VPS8: variants seen among roughly 807,000 people sequenced by gnomAD.
The protein encoded by VPS8 is VPS8 subunit of CORVET complex.
Under a neutral mutation model 216.4 loss-of-function variants are expected in VPS8, and 129 were observed. That is an observed-to-expected ratio of 0.60 (90% CI 0.52 to 0.69). The LOEUF (loss-of-function observed/expected upper bound fraction) is 0.69. Among genes scored for constraint, VPS8 ranks in the 30% least tolerant of loss-of-function variants. The pLI is 0.00. For synonymous variants in VPS8, 571 were observed against 565.4 expected, an observed-to-expected ratio of 1.01 and a Z score of -0.14; for missense variants, 1,531 against 1,683.5, an observed-to-expected ratio of 0.91 and a Z score of 1.59.
chr3:184,955,653 A>T (rs891724820), intron 36 of VPS8, among the ~76,000 whole-genome samples: 1 of 152,090 alleles, frequency 6.6e-6, no homozygotes, highest in African/African-American at 2.4e-5. Context: ...CTCTGCACAC[A>T]GGGAGAACAC....
intron 46 of VPS8, among the ~76,000 whole-genome samples, chr3:185,045,668 G>A (rs1565941): frequency 0.48 from 72,582 of 151,294 alleles, 17,711 homozygotes; most frequent in East Asian, 0.67. Context: ...CTACTCAGCT[G>A]AGGTAGTAGA....
intron 3 of VPS8, among the ~76,000 whole-genome samples, chr3:184,827,893 C>T (rs1291621980): frequency 6.6e-6 from 1 of 152,084 alleles, no homozygotes; most frequent in African/African-American, 2.4e-5. Context: ...TTTACACCTC[C>T]AGGGAACCAG....
At chr3:185,002,402 AC>A (rs1753540157) in intron 45 of VPS8, among the ~76,000 whole-genome samples, 1 of 152,120 alleles carries the variant, frequency 6.6e-6, no homozygotes, top group Admixed American at 6.5e-5. Context: ...ATTTCTTCCT[AC>A]CTTCTCGAGC....
At chr3:184,847,150 G>C (rs1723285189) in intron 8 of VPS8, among the ~76,000 whole-genome samples, 1 of 152,078 alleles carries the variant, frequency 6.6e-6, no homozygotes, top group South Asian at 2.1e-4. Flanking sequence ...TGTTCACCTT[G>C]GAAGGCTAAA....
At chr3:185,046,287 T>A (rs1712883231) in intron 46 of VPS8, among the ~76,000 whole-genome samples, 2 of 152,260 alleles carry the variant, frequency 1.3e-5, no homozygotes, top group Non-Finnish European at 1.5e-5. Context: ...AGACGGAAAC[T>A]GTTACTTATC....
chr3:184,838,591 AT>A, intron 5 of VPS8, 122 bp from the exon 6 acceptor site: 1 of 751,166 alleles, frequency 1.3e-6, no homozygotes, highest in Non-Finnish European at 2.1e-6. Flanking sequence ...GGGGGCAAAA[AT>A]AAAGGTTCTA....
At chr3:184,859,189 T>C (rs971225784) in intron 14 of VPS8, among the ~76,000 whole-genome samples, 14 of 152,346 alleles carry the variant, frequency 9.2e-5, no homozygotes, top group Admixed American at 7.8e-4. Flanking sequence ...AATTGATGGG[T>C]ATGGTCTACA....
At chr3:185,010,784 T>C (rs1754905307) in intron 45 of VPS8, among the ~76,000 whole-genome samples, 1 of 152,118 alleles carries the variant, frequency 6.6e-6, no homozygotes, top group Non-Finnish European at 1.5e-5. Flanking sequence ...GGAGGATCAC[T>C]TGAGCCCAAA....
At chr3:184,936,751 T>G (rs1576902441) in intron 35 of VPS8, among the ~76,000 whole-genome samples, 1 of 151,964 alleles carries the variant, frequency 6.6e-6, no homozygotes, top group Non-Finnish European at 1.5e-5. Context: ...TCTTTTTTTT[T>G]TTTTGAGATG....
chr3:185,024,375 C>A lies in VPS8; in HGVS notation c.4042C>A (p.Pro1348Thr). 6.3e-7 allele frequency: 1 copy of A among 1,598,092 alleles called. No individual in the cohort carries two copies. Among genetic ancestry groups the A allele is most frequent in the South Asian group, 1.1e-5 (1 of 87,778 alleles). ...SPSYHQSKGD[P>T]TAKKGTSEPV... is the part of the protein sequence containing the mutation. Reference sequence around the variant, plus strand: ...ATCGTATCATCAGTCCAAAGGGGATCCCACTGCTAAAAAGGTGAGTTTGTT... The same window carrying A: ...ATCGTATCATCAGTCCAAAGGGGATACCACTGCTAAAAAGGTGAGTTTGTT... The change falls in exon 46 of 48, where the codon CCC becomes ACC. Residue 1348 changes from proline to threonine, a missense_variant. Physicochemically the swap from Pro to Thr is conservative, Grantham distance 38. Coordinates refer to ENST00000625842, the MANE Select transcript of VPS8 (RefSeq NM_001009921.3).
At position 184,893,449 on chromosome 3, in the gene VPS8, A is replaced by C. The variant is rs114254917; in HGVS notation, c.1782-1254A>C. On this transcript the variant is annotated intron_variant, in intron 22 of 47. Transcript: ENST00000625842. ...TCACACAGTTTTTGTATTTTTTAAA[A>C]AACAGAATGAACAAAGAAGTGAATG... is the stretch of plus-strand genomic sequence containing the variant. 1.2e-3 allele frequency: 1,012 copies of C among 840,350 alleles called. 11 individuals carry two copies. In the African/African-American group the frequency reaches 0.017, roughly 14 times the overall value. 52.1% of individuals were successfully genotyped at this position (840,350 alleles called of 1,614,324 possible).
At chr3:185,050,123 A>AATTTTTT (rs1553916150) in intron 47 of VPS8, among the ~76,000 whole-genome samples, 1 of 139,388 alleles carries the variant, frequency 7.2e-6, no homozygotes. Context: ...CTGGGAAATA[A>AATTTTTT]TTTTTTTTTT....
At chr3:184,950,344 A>G (rs1189154797) in intron 36 of VPS8, among the ~76,000 whole-genome samples, 1 of 145,828 alleles carries the variant, frequency 6.9e-6, no homozygotes, top group Non-Finnish European at 1.5e-5. Flanking sequence ...TATATGGGAT[A>G]GAGCAGAGAA....
chr3:184,978,095 C>T (rs1314770010), intron 40 of VPS8, among the ~76,000 whole-genome samples: 2 of 151,708 alleles, frequency 1.3e-5, no homozygotes, highest in Admixed American at 6.6e-5. Flanking sequence ...CTTTTTATTA[C>T]TGCTTCAATT....
intron 21 of VPS8, among the ~76,000 whole-genome samples, chr3:184,872,378 G>A (rs1331431745): frequency 6.6e-6 from 1 of 152,060 alleles, no homozygotes; most frequent in Non-Finnish European, 1.5e-5. Flanking sequence ...GTGACGTTCT[G>A]ATGGAGAAAT....
intron 31 of VPS8, among the ~76,000 whole-genome samples, chr3:184,927,283 C>A (rs1739833072): frequency 6.6e-6 from 1 of 152,092 alleles, no homozygotes; most frequent in South Asian, 2.1e-4. Flanking sequence ...GGTAAGTAAA[C>A]TACTAAAATT....
rs577807257 is a variant in VPS8 at position 185,017,672 on chromosome 3, C to A, written c.4003-6664C>A. Reference sequence around the variant, plus strand: ...TCCCCGCTGGCAAGGGTCCACAGAGCCCTGTTGGGACCTTTTGCGGGGGTT... The same window carrying A: ...TCCCCGCTGGCAAGGGTCCACAGAGACCTGTTGGGACCTTTTGCGGGGGTT... On this transcript the variant is annotated intron_variant, in intron 45 of 47. Transcript: ENST00000625842. Among the ~76,000 whole-genome samples the A allele has an allele frequency of 3.9e-5, 6 of 152,260 alleles. No homozygotes were observed. The South Asian group carries it at 1.2e-3, about 32-fold the overall frequency.
At chr3:185,037,713 A>G (rs1410395794) in intron 46 of VPS8, among the ~76,000 whole-genome samples, 2 of 152,064 alleles carry the variant, frequency 1.3e-5, no homozygotes, top group Non-Finnish European at 2.9e-5. Context: ...TTAAGTCACC[A>G]ATTCTTCTGC....
chr3:184,916,322 C>T (rs2109096521), intron 28 of VPS8, among the ~76,000 whole-genome samples: 1 of 151,926 alleles, frequency 6.6e-6, no homozygotes, highest in Admixed American at 6.6e-5. Flanking sequence ...TTTTGAAAAG[C>T]TTTTGATATT....
Sources: gnomAD v4.1 joint callset for allele counts (sites outside exome capture counted in the v4.1 genomes callset) on GRCh38, gnomAD v4.1.1 for gene constraint, MANE v1.5 for transcripts, NCBI Gene and HGNC (gene_info 2026-07-23, HGNC 2026-07-21) for gene names.